The following AMOTL1 variants were observed in gnomAD, a reference collection of about 807,000 sequenced individuals.
AMOTL1 encodes the protein angiomotin like 1, also known as angiomotin-like protein 1.
In AMOTL1, 45 loss-of-function variants were observed where a neutral mutation model predicts 102.9. That is an observed-to-expected ratio of 0.44 (90% CI 0.34 to 0.56). AMOTL1 has a LOEUF of 0.56. Ranked by LOEUF, AMOTL1 falls within the 20% of genes least tolerant of loss-of-function variation. The pLI, the probability that AMOTL1 is intolerant of heterozygous loss-of-function variation, is 0.01. For synonymous variants in AMOTL1, 481 were observed against 484.7 expected, an observed-to-expected ratio of 0.99 and a Z score of 0.10; for missense variants, 1,114 against 1,225.6, an observed-to-expected ratio of 0.91 and a Z score of 1.36.
At chr11:94,850,609 G>A (rs1952515795) in intron 7 of AMOTL1, among the ~76,000 whole-genome samples, 1 of 152,208 alleles carries the variant, frequency 6.6e-6, no homozygotes, top group Admixed American at 6.5e-5. Context: ...TTATGAGGTA[G>A]CCTTTTCCTT....
chr11:94,722,581 C>T (rs776197703), intron 1 of AMOTL1, among the ~76,000 whole-genome samples: 3 of 152,108 alleles, frequency 2.0e-5, no homozygotes, highest in African/African-American at 4.8e-5. Context: ...CAGATCACTG[C>T]TAATAAATGG....
chr11:94,803,504 T>G, intron 3 of AMOTL1, among the ~76,000 whole-genome samples: 1 of 152,208 alleles, frequency 6.6e-6, no homozygotes, highest in East Asian at 1.9e-4. Context: ...CTTGTTCTAC[T>G]ATACTTTTTC....
In AMOTL1 at chr11:94,871,939, G is replaced by C. The variant is rs992861442; in HGVS notation, c.*1144G>C. ...TCACCAGCCTCCCGTATAGCTTCTT[G>C]TATTGAGGCTCATGAGCGTATTCAC... is the stretch of plus-strand genomic sequence containing the variant. On this transcript the variant is annotated 3_prime_UTR_variant, in exon 13 of 13. Coordinates refer to ENST00000433060, the MANE Select transcript of AMOTL1 (RefSeq NM_130847.3). 1 of 151,696 alleles carries C rather than the reference G, an allele frequency of 6.6e-6. No individual in the cohort carries two copies. The highest frequency in any genetic ancestry group is 1.5e-5 in the Non-Finnish European group (1 of 67,970). 9.4% of individuals were successfully genotyped at this position (151,696 alleles called of 1,614,324 possible).
At chr11:94,797,004 G>A (rs1951380504) in intron 2 of AMOTL1, 1 of 985,276 alleles carries the variant, frequency 1.0e-6, no homozygotes, top group Non-Finnish European at 1.2e-6. Flanking sequence ...TAAATGTGGA[G>A]AGCAAAGGAT....
rs1308789082 is a variant in AMOTL1 at position 94,800,255 on chromosome 11, G to A, written c.1065G>A (p.Val355=). 2.5e-6 allele frequency: 4 copies of A among 1,613,728 alleles called. No homozygotes were observed. The Admixed American group carries it at 6.7e-5, about 27-fold the overall frequency. ...AGCCCTACCCTGCTCCTCAGCCTGT[G>A]AGAACAGATGTGGCCGTCCTGCGGT... ...MVKPYPAPQP[V]RTDVAVLRYQ... The change falls in exon 3 of 13, where the codon GTG becomes GTA. Residue 355 remains valine, a synonymous_variant. Coordinates refer to ENST00000433060, the MANE Select transcript of AMOTL1 (RefSeq NM_130847.3).
chr11:94,727,216 G>C (rs1317540824), intron 1 of AMOTL1, among the ~76,000 whole-genome samples: 4 of 152,168 alleles, frequency 2.6e-5, no homozygotes, highest in Non-Finnish European at 4.4e-5. Context: ...ATACTGCAAA[G>C]ATTAATGAAG....
chr11:94,793,720 C>A (rs1165094675), intron 1 of AMOTL1, among the ~76,000 whole-genome samples: 1 of 152,178 alleles, frequency 6.6e-6, no homozygotes, highest in Non-Finnish European at 1.5e-5. Flanking sequence ...TGTAGGTTGG[C>A]CAAAAGGAGA....
chr11:94,857,721 G>A (rs781452852), intron 8 of AMOTL1, among the ~76,000 whole-genome samples: 9 of 152,200 alleles, frequency 5.9e-5, no homozygotes, highest in Non-Finnish European at 8.8e-5. Flanking sequence ...AAAGGAAAAT[G>A]AGGCACAGGG....
At chr11:94,722,599 A>G (rs1950191027) in intron 1 of AMOTL1, among the ~76,000 whole-genome samples, 1 of 152,132 alleles carries the variant, frequency 6.6e-6, no homozygotes, top group African/African-American at 2.4e-5. Context: ...TGGTAGATCT[A>G]AAATTTAAAT....
intron 1 of AMOTL1, among the ~76,000 whole-genome samples, chr11:94,728,663 T>TA (rs1224154384): frequency 3.9e-5 from 6 of 152,146 alleles, no homozygotes; most frequent in Admixed American, 3.3e-4. Flanking sequence ...CACAACTAAA[T>TA]AGTAAATTTC....
intron 3 of AMOTL1, among the ~76,000 whole-genome samples, chr11:94,761,506 T>C (rs958245617): frequency 6.6e-6 from 1 of 152,100 alleles, no homozygotes; most frequent in Admixed American, 6.6e-5. Flanking sequence ...TTATTTTTTC[T>C]AGTTATTTCT....
intron 1 of AMOTL1, among the ~76,000 whole-genome samples, chr11:94,784,975 AAAAAAAG>A (rs1237204023): frequency 2.6e-5 from 4 of 151,788 alleles, no homozygotes; most frequent in Admixed American, 6.6e-5. Flanking sequence ...GTGCAAAAAA[AAAAAAAG>A]AAAAGAAAAG....
chr11:94,866,730 G>C (rs896742622), intron 11 of AMOTL1: 1 of 156,650 alleles, frequency 6.4e-6, no homozygotes, highest in African/African-American at 2.6e-5. Flanking sequence ...GGGATAATGG[G>C]GGGAGGACAG....
At chr11:94,824,818 C>G (rs1951934400) in intron 4 of AMOTL1, among the ~76,000 whole-genome samples, 1 of 152,210 alleles carries the variant, frequency 6.6e-6, no homozygotes, top group Non-Finnish European at 1.5e-5. Flanking sequence ...GAGTTCCTCG[C>G]AGCATTGGGA....
chr11:94,722,492 T>C (rs1477231875), intron 1 of AMOTL1, among the ~76,000 whole-genome samples: 1 of 152,152 alleles, frequency 6.6e-6, no homozygotes, highest in Non-Finnish European at 1.5e-5. Flanking sequence ...ATCCCTACCA[T>C]AGCCCTACAA....
Position 94,859,714 on chromosome 11 carries a change from A to G in AMOTL1, c.2134A>G (p.Arg712Gly), listed in dbSNP as rs1952736259. ...MNAAATAAAERDTTIINHSRN... is the reference protein window; with the variant it reads ...MNAAATAAAEGDTTIINHSRN... ...TGCCGCAGCCACTGCAGCAGCTGAG[A>G]GGTGAGACCAGTGGAACTCTGGTGG... Residue 712 changes from arginine (R) to glycine (G), a missense_variant and splice_region_variant, in exon 9 of 13, where the codon AGG (arginine) becomes GGG (glycine). Coordinates refer to ENST00000433060, the MANE Select transcript of AMOTL1 (RefSeq NM_130847.3). 6.2e-7 allele frequency: 1 copy of G among 1,603,658 alleles called. No homozygotes were observed. The highest frequency in any genetic ancestry group is 8.5e-7 in the Non-Finnish European group (1 of 1,174,372).
At chr11:94,742,159 A>G (rs1950536258) in intron 3 of AMOTL1, among the ~76,000 whole-genome samples, 1 of 152,256 alleles carries the variant, frequency 6.6e-6, no homozygotes, top group African/African-American at 2.4e-5. Context: ...TCACATCTCT[A>G]TCAGTGGAAT....
rs1951426998 is a variant in AMOTL1 at position 94,799,447 on chromosome 11, A to C, written c.257A>C (p.Glu86Ala). 6.2e-7 allele frequency: 1 copy of C among 1,603,298 alleles called. No individual in the cohort carries two copies. ...SPNFLRISEV[E>A]MRGSEDAAAG... ...AACTTCCTGAGGATCTCAGAGGTGGAAATGAGAGGTTCCGAGGATGCGGCA... is the reference window on the plus strand; with the variant it reads ...AACTTCCTGAGGATCTCAGAGGTGGCAATGAGAGGTTCCGAGGATGCGGCA... The change falls in exon 3 of 13, where the codon GAA becomes GCA. Residue 86 changes from glutamate (E) to alanine (A), a missense_variant. Coordinates refer to ENST00000433060, the MANE Select transcript of AMOTL1 (RefSeq NM_130847.3). The surrounding 1 kb of genome is among the most constrained non-coding windows in gnomAD (Gnocchi z 4.5).
intron 1 of AMOTL1, among the ~76,000 whole-genome samples, chr11:94,724,720 T>A (rs1950228026): frequency 6.6e-6 from 1 of 152,184 alleles, no homozygotes; most frequent in African/African-American, 2.4e-5. Flanking sequence ...GTGCAGTGAC[T>A]AGTACCTAGG....
Sources: allele counts gnomAD v4.1 joint callset (sites outside exome capture counted in the v4.1 genomes callset), GRCh38; gene constraint gnomAD v4.1.1; non-coding constraint Gnocchi (gnomAD v3.1); transcripts MANE v1.5; gene names NCBI Gene and HGNC (gene_info 2026-07-23, HGNC 2026-07-21).